The following CDK6 variants were observed in gnomAD, a reference collection of about 807,000 sequenced individuals.
CDK6 encodes the protein cyclin dependent kinase 6, also known as cyclin-dependent kinase 6.
Under a neutral mutation model 37.1 loss-of-function variants are expected in CDK6, and 6 were observed. The observed-to-expected ratio is 0.16, with a 90% CI of 0.09 to 0.32. The LOEUF (loss-of-function observed/expected upper bound fraction) is 0.32, where lower values mean the gene tolerates loss of function less well. CDK6 is among the 10% of genes least tolerant of loss of function. The pLI, the probability that CDK6 is intolerant of heterozygous loss-of-function variation, is 1.00. For missense variants in CDK6, 224 were observed against 418.9 expected (o/e 0.53, Z 4.06); for synonymous variants, 160 against 161.3 (o/e 0.99, Z 0.06).
At chr7:92,648,027 G>A (rs1267774513) in intron 5 of CDK6, among the ~76,000 whole-genome samples, 1 of 152,158 alleles carries the variant, frequency 6.6e-6, no homozygotes, top group East Asian at 1.9e-4. Flanking sequence ...AGGTAAGGCC[G>A]ACTTAACTGA....
At chr7:92,708,478 C>A (rs1475001699) in intron 4 of CDK6, among the ~76,000 whole-genome samples, 1 of 152,012 alleles carries the variant, frequency 6.6e-6, no homozygotes, top group African/African-American at 2.4e-5. Flanking sequence ...ATATAACGAC[C>A]ACAAGTGAGG....
chr7:92,743,097 G>A (rs1798967820), intron 3 of CDK6, among the ~76,000 whole-genome samples: 1 of 151,638 alleles, frequency 6.6e-6, no homozygotes, highest in Admixed American at 6.6e-5. Flanking sequence ...CTACATCCTG[G>A]GAGATTTTTG....
chr7:92,775,355 C>A (rs138170895), intron 2 of CDK6, among the ~76,000 whole-genome samples: 49 of 152,312 alleles, frequency 3.2e-4, no homozygotes, highest in African/African-American at 1.1e-3. Flanking sequence ...CAGCCCTCAT[C>A]CTGCTGAGTC....
chr7:92,697,323 G>C (rs1797743189), intron 4 of CDK6, among the ~76,000 whole-genome samples: 2 of 152,144 alleles, frequency 1.3e-5, no homozygotes, highest in South Asian at 4.1e-4. Context: ...AGAAACCCCA[G>C]AGCTGCACAA....
chr7:92,766,209 AG>A lies in CDK6; in HGVS notation c.369+8486del, dbSNP rs572327898. Among the ~76,000 whole-genome samples the A allele has an allele frequency of 8.2e-4, 125 of 152,308 alleles. 3 individuals carry two copies. In the South Asian group the frequency reaches 0.026, roughly 31 times the overall value. ...TTGTTATACAGAGGATGGTCCATAA[AG>A]GGGCAGGAGCAGAAGTGGTGTGTTG... On this transcript the variant is annotated intron_variant, in intron 3 of 7. Coordinates refer to ENST00000424848, the MANE Select transcript of CDK6 (RefSeq NM_001145306.2).
intron 3 of CDK6, among the ~76,000 whole-genome samples, chr7:92,773,201 ATT>A (rs1477225085): frequency 6.6e-6 from 1 of 152,248 alleles, no homozygotes; most frequent in Non-Finnish European, 1.5e-5. Context: ...AAAAATCCCA[ATT>A]AAAGGCAGAA....
intron 3 of CDK6, among the ~76,000 whole-genome samples, chr7:92,762,353 G>A (rs867577358): frequency 2.0e-5 from 3 of 151,746 alleles, no homozygotes; most frequent in Middle Eastern, 3.2e-3. Flanking sequence ...CCATCCTCCC[G>A]ACCCGGAATA....
At chr7:92,622,271 C>T (rs1795820775) in intron 6 of CDK6, among the ~76,000 whole-genome samples, 1 of 152,040 alleles carries the variant, frequency 6.6e-6, no homozygotes, top group Non-Finnish European at 1.5e-5. Context: ...ATGAATGAAA[C>T]TATGTAAATC....
intron 4 of CDK6, among the ~76,000 whole-genome samples, chr7:92,704,263 A>C (rs1002357091): frequency 6.6e-6 from 1 of 151,980 alleles, no homozygotes; most frequent in Non-Finnish European, 1.5e-5. Context: ...TAATTTCTAC[A>C]CTCTCAGCTC....
intron 5 of CDK6, among the ~76,000 whole-genome samples, chr7:92,660,015 T>C (rs1227891297): frequency 6.6e-6 from 1 of 152,204 alleles, no homozygotes; most frequent in Non-Finnish European, 1.5e-5. Flanking sequence ...AAGCACAGTT[T>C]GAATTCCATG....
At chr7:92,739,595 C>T (rs1485178481) in intron 3 of CDK6, among the ~76,000 whole-genome samples, 1 of 152,238 alleles carries the variant, frequency 6.6e-6, no homozygotes, top group Non-Finnish European at 1.5e-5. Flanking sequence ...AATTATAGTT[C>T]CTACATTACC....
intron 4 of CDK6, among the ~76,000 whole-genome samples, chr7:92,694,241 C>T (rs1797659378): frequency 6.6e-6 from 1 of 152,008 alleles, no homozygotes; most frequent in Non-Finnish European, 1.5e-5. Flanking sequence ...TATTACTTTG[C>T]AAAAAAGTAA....
At chr7:92,740,669 C>T (rs774207981) in intron 3 of CDK6, among the ~76,000 whole-genome samples, 2 of 152,050 alleles carry the variant, frequency 1.3e-5, no homozygotes, top group Admixed American at 6.6e-5. Context: ...TCTCAGCAAC[C>T]CCTTGAATAA....
intron 2 of CDK6, among the ~76,000 whole-genome samples, chr7:92,807,396 C>T (rs1381304768): frequency 6.6e-6 from 1 of 151,606 alleles, no homozygotes; most frequent in Non-Finnish European, 1.5e-5. Context: ...ATATCTGTAT[C>T]TAGAGATATC....
At chr7:92,716,923 C>T (rs557052872) in intron 4 of CDK6, among the ~76,000 whole-genome samples, 6 of 152,284 alleles carry the variant, frequency 3.9e-5, no homozygotes, top group African/African-American at 1.4e-4. Flanking sequence ...TTCTGGATCC[C>T]TGAGAAGCCC....
rs991701675 is a variant in CDK6 at position 92,611,668 on chromosome 7, G to C, written c.*3472C>G. The C allele has an allele frequency of 2.6e-5, 6 of 228,882 alleles. No individual in the cohort carries two copies. Among genetic ancestry groups the C allele is most frequent in the East Asian group, 1.3e-4 (2 of 15,890 alleles). 14.2% of individuals were successfully genotyped at this position (228,882 alleles called of 1,614,324 possible). ...TATTTAAGAGTTTTCTCATCAAGATGGATAGTACATTCTGGAGAGTCAAAC... is the reference window on the plus strand; with the variant it reads ...TATTTAAGAGTTTTCTCATCAAGATCGATAGTACATTCTGGAGAGTCAAAC... On this transcript the variant is annotated 3_prime_UTR_variant, in exon 8 of 8. Coordinates refer to ENST00000424848, the MANE Select transcript of CDK6 (RefSeq NM_001145306.2).
At chr7:92,636,103 C>T (rs1796164256) in intron 5 of CDK6, among the ~76,000 whole-genome samples, 1 of 152,104 alleles carries the variant, frequency 6.6e-6, no homozygotes, top group Non-Finnish European at 1.5e-5. Flanking sequence ...GTTGCCCAGG[C>T]TGGGGTGCAG....
intron 5 of CDK6, among the ~76,000 whole-genome samples, chr7:92,624,118 G>A (rs764284323): frequency 6.6e-6 from 1 of 152,080 alleles, no homozygotes; most frequent in Non-Finnish European, 1.5e-5. Flanking sequence ...TCAGTGGTTA[G>A]AACACACCTT....
intron 5 of CDK6, among the ~76,000 whole-genome samples, chr7:92,656,310 A>C (rs1168745849): frequency 2.6e-5 from 4 of 152,202 alleles, no homozygotes; most frequent in Non-Finnish European, 5.9e-5. Context: ...TGGGAGGTAG[A>C]TGCTCAGCGC....
Sources: allele counts gnomAD v4.1 joint callset (sites outside exome capture counted in the v4.1 genomes callset), GRCh38; gene constraint gnomAD v4.1.1; transcripts MANE v1.5; gene names NCBI Gene and HGNC (gene_info 2026-07-23, HGNC 2026-07-21).